Variants in MICAL3 observed in about 807,000 individuals in gnomAD.
MICAL3 encodes microtubule associated monooxygenase, calponin and LIM domain containing 3.
A neutral mutation model predicts 207.4 loss-of-function variants in MICAL3; 62 were observed. The observed-to-expected ratio is 0.30, with a 90% confidence interval of 0.24 to 0.37. The LOEUF (loss-of-function observed/expected upper bound fraction) is 0.37. MICAL3 is among the 10% of genes least tolerant of loss of function. MICAL3 has a pLI of 1.00. For missense variants in MICAL3, 2,368 were observed against 2,635.6 expected (o/e 0.90, Z 2.22); for synonymous variants, 1,077 against 1,069.3 (o/e 1.01, Z -0.14).
intron 1 of MICAL3, chr22:17,980,951 G>A (rs746173175): frequency 3.8e-6 from 2 of 528,264 alleles, no homozygotes; most frequent in Admixed American, 2.0e-5. Context: ...ACACTTGGAG[G>A]TGTCTGTGAT....
intron 1 of MICAL3, among the ~76,000 whole-genome samples, chr22:17,926,197 T>C (rs946564505): frequency 2.6e-5 from 4 of 152,292 alleles, no homozygotes; most frequent in African/African-American, 9.6e-5. Flanking sequence ...GGTCTACAAC[T>C]TCCCGATATA....
intron 1 of MICAL3, among the ~76,000 whole-genome samples, chr22:17,950,538 T>C (rs1032747359): frequency 6.6e-6 from 1 of 152,010 alleles, no homozygotes; most frequent in Admixed American, 6.5e-5. Flanking sequence ...GGTTTCACTA[T>C]GTTTGCCAGG....
intron 1 of MICAL3, among the ~76,000 whole-genome samples, chr22:17,918,831 G>C (rs34263881): frequency 0.22 from 32,889 of 152,064 alleles, 3,763 homozygotes; most frequent in Middle Eastern, 0.28. Context: ...AAAGATACTA[G>C]TGAGCATCTA....
Position 17,884,471 on chromosome 22 carries a change from C to G in MICAL3, c.2241+1407G>C, listed in dbSNP as rs140252956. The G allele has an allele frequency of 6.9e-4, 508 of 738,316 alleles. 7 individuals are homozygous for G. The East Asian group carries it at 0.016, about 23-fold the overall frequency. The allele number at this position is 738,316 out of a possible 1,614,324, so 45.7% of individuals were successfully genotyped here. A position where few individuals can be genotyped will look rare whatever the true frequency, so the allele number is the denominator to read the frequency against. ...GAACTCACAGGCGACAGCCCCATATCTGTGAACTGTGGGGAAGAGGGGGAC... is the reference window on the plus strand; with the variant it reads ...GAACTCACAGGCGACAGCCCCATATGTGTGAACTGTGGGGAAGAGGGGGAC... On this transcript the variant is annotated intron_variant, in intron 16 of 31. Transcript: ENST00000441493.
At position 17,846,021 on chromosome 22, in the gene MICAL3, A is replaced by C. The variant is rs367811629; in HGVS notation, c.2606-4004T>G. Among the ~76,000 whole-genome samples the C allele has an allele frequency of 3.9e-5, 6 of 152,250 alleles. No homozygotes were observed. In the South Asian group the frequency reaches 1.2e-3, roughly 32 times the overall value. On this transcript the variant is annotated intron_variant, in intron 19 of 31. Coordinates refer to ENST00000441493, the MANE Select transcript of MICAL3 (RefSeq NM_015241.3). Reference sequence around the variant, plus strand: ...GCTCTGGAAGGGGAAATGCTGATTTAATTTTGGGCTTGGCTACAACCAACA... The same window carrying C: ...GCTCTGGAAGGGGAAATGCTGATTTCATTTTGGGCTTGGCTACAACCAACA...
Position 17,818,548 on chromosome 22 carries a change from G to A in MICAL3, c.4113C>T (p.Ser1371=). The part of the protein sequence containing the change: ...VSLKSYSVEK[S]PQDEGLHLLK... ...GAAGGTGGAGTCCCTCATCCTGGGGGGACTTTTCAACGGAATAGGATTTGA... is the reference window on the plus strand; with the variant it reads ...GAAGGTGGAGTCCCTCATCCTGGGGAGACTTTTCAACGGAATAGGATTTGA... The change falls in exon 26 of 32, where the codon TCC becomes TCT. Residue 1371 remains serine (S), a synonymous_variant. Transcript: ENST00000441493. The A allele has an allele frequency of 1.2e-6, 2 of 1,613,600 alleles. No homozygotes were observed. Among genetic ancestry groups the A allele is most frequent in the African/African-American group, 1.3e-5 (1 of 75,062 alleles).
At chr22:17,967,057 G>T (rs1284440560) in intron 1 of MICAL3, among the ~76,000 whole-genome samples, 1 of 152,206 alleles carries the variant, frequency 6.6e-6, no homozygotes, top group African/African-American at 2.4e-5. Context: ...TCAAGGGTAG[G>T]TGAGACAGAG....
At chr22:17,870,676 A>G (rs553458273) in intron 17 of MICAL3, among the ~76,000 whole-genome samples, 1 of 152,232 alleles carries the variant, frequency 6.6e-6, no homozygotes, top group Non-Finnish European at 1.5e-5. Context: ...TTGAGATCAA[A>G]TGAGCTATCC....
In MICAL3 at chr22:18,024,285, T is replaced by A. The variant is rs1303487404; in HGVS notation, c.-79A>T. 6.6e-6 allele frequency: 1 copy of A among 152,272 alleles called. No homozygotes were observed. The highest frequency in any genetic ancestry group is 1.5e-5 in the Non-Finnish European group (1 of 68,064). The allele number at this position is 152,272 out of a possible 1,614,324, so 9.4% of individuals were successfully genotyped here. The stretch of plus-strand genomic sequence containing the variant: ...GGGGGACTGGAGGGTACTCACCGAC[T>A]AGGGCTTCACAGCCGCATCACCGCC... On this transcript the variant is annotated 5_prime_UTR_variant, in exon 1 of 32. Transcript: ENST00000441493.
intron 1 of MICAL3, among the ~76,000 whole-genome samples, chr22:17,959,662 G>T (rs1320669438): frequency 6.6e-6 from 1 of 152,206 alleles, no homozygotes; most frequent in African/African-American, 2.4e-5. Flanking sequence ...CACCAGTGGA[G>T]GTTTACAAAG....
intron 19 of MICAL3, among the ~76,000 whole-genome samples, chr22:17,855,556 T>C (rs1007722010): frequency 2.0e-5 from 3 of 152,208 alleles, no homozygotes; most frequent in African/African-American, 7.2e-5. Flanking sequence ...GGGCTTACTC[T>C]TCATAACAAA....
chr22:17,947,495 C>A (rs1055631180), intron 1 of MICAL3, among the ~76,000 whole-genome samples: 1 of 152,188 alleles, frequency 6.6e-6, no homozygotes, highest in African/African-American at 2.4e-5. Context: ...TCTGCTCATT[C>A]TGGTTTTGCA....
At chr22:17,940,542 T>C (rs1481999519) in intron 1 of MICAL3, among the ~76,000 whole-genome samples, 2 of 152,110 alleles carry the variant, frequency 1.3e-5, no homozygotes, top group African/African-American at 4.8e-5. Flanking sequence ...AAGGACTAGT[T>C]CCATGAAATA....
In MICAL3 at chr22:17,901,962, G is replaced by GTGCC; in HGVS notation, c.603_606dup (p.Leu203GlyfsTer14). ...ACAGGATGAGTCTTGGGGTGCACCA[G>GTGCC]TGCCCGCCAGCCTATCCCTGTGAAC... On this transcript the variant is annotated frameshift_variant, in exon 5 of 32. Transcript: ENST00000441493. LOFTEE classifies it high-confidence loss of function. 2 of 1,613,402 alleles carry GTGCC rather than the reference G, an allele frequency of 1.2e-6. No individual in the cohort carries two copies. The highest frequency in any genetic ancestry group is 1.7e-6 in the Non-Finnish European group (2 of 1,179,724).
chr22:17,965,839 G>C (rs2053601), intron 1 of MICAL3, among the ~76,000 whole-genome samples: 30,436 of 152,120 alleles, frequency 0.2, 3,209 homozygotes, highest in Middle Eastern at 0.27. Context: ...TGTCCAACTA[G>C]TAAGCTATAA....
intron 19 of MICAL3, chr22:17,863,223 G>A: frequency 1.0e-6 from 1 of 985,412 alleles, no homozygotes; most frequent in South Asian, 4.7e-5. Flanking sequence ...AAACTTCACT[G>A]TGTTTAATTC....
intron 2 of MICAL3, 67 bp downstream of exon 2, chr22:17,906,482 G>C (rs1931727828): frequency 6.2e-7 from 1 of 1,610,604 alleles, no homozygotes; most frequent in Non-Finnish European, 8.5e-7. Flanking sequence ...GGCCAGAGAT[G>C]CAAGACGTTG....
chr22:17,794,425 C>G (rs1488887869), intron 29 of MICAL3, among the ~76,000 whole-genome samples: 6 of 152,248 alleles, frequency 3.9e-5, no homozygotes, highest in African/African-American at 1.4e-4. Context: ...TTGACAAGTG[C>G]AGGGCAAGGA....
rs536472038 is a variant in MICAL3 at position 17,971,385 on chromosome 22, C to T, written c.-75+52896G>A. Among the ~76,000 whole-genome samples the T allele has an allele frequency of 5.3e-5, 8 of 151,860 alleles. No individual in the cohort carries two copies. In the South Asian group the frequency reaches 1.5e-3, roughly 28 times the overall value. On this transcript the variant is annotated intron_variant, in intron 1 of 31. Transcript: ENST00000441493. ...TGGGAGGCTGAGGCCTCCTCAGCCT[C>T]AGCAGGAGAATCGCTTGAACCCGGG... is the stretch of plus-strand genomic sequence containing the variant.
Sources: gnomAD v4.1 joint callset for allele counts (sites outside exome capture counted in the v4.1 genomes callset) on GRCh38, gnomAD v4.1.1 for gene constraint, MANE v1.5 for transcripts, NCBI Gene and HGNC (gene_info 2026-07-23, HGNC 2026-07-21) for gene names.